NDUFAF5: variants seen among roughly 807,000 people sequenced by gnomAD.
NDUFAF5 encodes NADH:ubiquinone oxidoreductase complex assembly factor 5, also known as arginine-hydroxylase NDUFAF5, mitochondrial.
NDUFAF5 carries 34 observed loss-of-function variants against 48.9 expected under a neutral mutation model. That is an observed-to-expected ratio of 0.70 (90% CI 0.53 to 0.93). The LOEUF (loss-of-function observed/expected upper bound fraction) is 0.93. NDUFAF5 is among the 40% of genes least tolerant of loss of function. NDUFAF5 has a pLI of 0.00. For synonymous variants in NDUFAF5, 153 were observed against 150.6 expected (o/e 1.02, Z -0.12); for missense variants, 428 against 427.5 (o/e 1.00, Z -0.01).
At chr20:13,788,457 GAGGCTGAAA>G in intron 2 of NDUFAF5, 123 bp from the exon 3 acceptor site, 2 of 713,156 alleles carry the variant, frequency 2.8e-6, no homozygotes, top group Non-Finnish European at 5.0e-6. Flanking sequence ...CTTGTAAGGT[GAGGCTGAAA>G]AGGCAGATGA....
chr20:13,789,415 T>G (rs1021112875), intron 3 of NDUFAF5, among the ~76,000 whole-genome samples: 2 of 151,972 alleles, frequency 1.3e-5, no homozygotes, highest in Non-Finnish European at 2.9e-5. Flanking sequence ...TCCGCCTGTC[T>G]CGGCATCCCA....
intron 3 of NDUFAF5, among the ~76,000 whole-genome samples, chr20:13,791,178 A>G (rs2147498495): frequency 6.6e-6 from 1 of 152,316 alleles, no homozygotes; most frequent in Middle Eastern, 3.4e-3. Flanking sequence ...GCAGTGGAAT[A>G]TGGTAGTATA....
rs11472201 is a variant in NDUFAF5 at position 13,802,671 on chromosome 20, CAAAAAAAAA to C, written c.717+999_717+1007del. On this transcript the variant is annotated intron_variant, in intron 7 of 10. Transcript: ENST00000378106. Reference sequence around the variant, plus strand: ...GGCAACAAGAGTGAAATTCCCGTCTCAAAAAAAAAAAAAAAAAAAGCAAATGTTACTCAC... The same window carrying C: ...GGCAACAAGAGTGAAATTCCCGTCTCAAAAAAAAAAGCAAATGTTACTCAC... Among the ~76,000 whole-genome samples, 3 of 102,882 alleles carry C rather than the reference CAAAAAAAAA, an allele frequency of 2.9e-5. No homozygotes were observed. In the East Asian group the frequency reaches 8.8e-4, roughly 30 times the overall value. 67.5% of individuals were successfully genotyped at this position (102,882 alleles called of 152,430 possible).
Position 13,794,994 on chromosome 20 carries a change from A to C in NDUFAF5, c.479+53A>C, listed in dbSNP as rs932999659. The C allele has an allele frequency of 3.8e-6, 5 of 1,331,980 alleles. No individual in the cohort carries two copies. In the African/African-American group the frequency reaches 7.2e-5, roughly 19 times the overall value. 82.5% of individuals were successfully genotyped at this position (1,331,980 alleles called of 1,614,324 possible). A position where few individuals can be genotyped will look rare whatever the true frequency, so the allele number is the denominator to read the frequency against. ...ATGTTATAAACAGATCATTCTTGCCATAAAGTTTTGCTATGAGGCCAGGAG... is the reference window on the plus strand; with the variant it reads ...ATGTTATAAACAGATCATTCTTGCCCTAAAGTTTTGCTATGAGGCCAGGAG... On this transcript the variant is annotated intron_variant, in intron 5 of 10. Coordinates refer to ENST00000378106, the MANE Select transcript of NDUFAF5 (RefSeq NM_024120.5).
chr20:13,794,650 T>A (rs536485193), intron 4 of NDUFAF5, among the ~76,000 whole-genome samples, 188 bp from the exon 5 acceptor site: 1 of 152,206 alleles, frequency 6.6e-6, no homozygotes, highest in Non-Finnish European at 1.5e-5. Context: ...TAGTTAGCCA[T>A]TTTTTCTGGC....
intron 6 of NDUFAF5, 30 bp downstream of exon 6, chr20:13,798,530 TTG>T (rs1354759807): frequency 6.5e-7 from 1 of 1,526,960 alleles, no homozygotes; most frequent in African/African-American, 1.4e-5. Context: ...TTCAACTATC[TTG>T]TGTTATTTTC....
chr20:13,814,587 T>G, intron 8 of NDUFAF5: 1 of 771,542 alleles, frequency 1.3e-6, no homozygotes, highest in Non-Finnish European at 1.9e-6. Flanking sequence ...AGGTTTATTT[T>G]TGATAAGCAG....
intron 10 of NDUFAF5, 37 bp from the exon 11 acceptor site, chr20:13,817,081 A>G (rs1568787962): frequency 1.9e-5 from 30 of 1,590,110 alleles, no homozygotes; most frequent in South Asian, 5.5e-5. Flanking sequence ...TGTATTATCT[A>G]TCTATTTCTA....
chr20:13,802,285 G>C (rs970916478), intron 7 of NDUFAF5, among the ~76,000 whole-genome samples: 1 of 152,140 alleles, frequency 6.6e-6, no homozygotes, highest in South Asian at 2.1e-4. Flanking sequence ...TTTGTTCTCC[G>C]ACAGGAGTAA....
rs1600314664 is a variant in NDUFAF5, at chr20:13,787,390, T to C, written c.263+38T>C. ...GATCATAATACAATACCATCAACTTTTGAGTGGAAATTCAGGAGATTAAAT... is the reference window on the plus strand; with the variant it reads ...GATCATAATACAATACCATCAACTTCTGAGTGGAAATTCAGGAGATTAAAT... On this transcript the variant is annotated intron_variant, in intron 2 of 10. Coordinates refer to ENST00000378106, the MANE Select transcript of NDUFAF5 (RefSeq NM_024120.5). 3.1e-6 allele frequency: 5 copies of C among 1,592,764 alleles called. No homozygotes were observed. In the East Asian group the frequency reaches 6.7e-5, roughly 21 times the overall value.
At position 13,816,388 on chromosome 20, in the gene NDUFAF5, G is replaced by A. The variant is rs576802882; in HGVS notation, c.779-75G>A. The A allele has an allele frequency of 5.7e-5, 55 of 967,004 alleles. No homozygotes were observed. In the African/African-American group the frequency reaches 7.3e-4, roughly 13 times the overall value. The allele number at this position is 967,004 out of a possible 1,614,324, so 59.9% of individuals were successfully genotyped here. A position where few individuals can be genotyped will look rare whatever the true frequency, so the allele number is the denominator to read the frequency against. Reference sequence around the variant, plus strand: ...GGACAGGTATACTGTTAGATGAGACGGGATTAAGTCTGTGGTATTGAGCTG... The same window carrying A: ...GGACAGGTATACTGTTAGATGAGACAGGATTAAGTCTGTGGTATTGAGCTG... On this transcript the variant is annotated intron_variant, in intron 8 of 10. Transcript: ENST00000378106.
intron 1 of NDUFAF5, 99 bp from the exon 2 acceptor site, chr20:13,787,213 G>A: frequency 7.7e-7 from 1 of 1,302,826 alleles, no homozygotes; most frequent in Non-Finnish European, 1.1e-6. Context: ...GGGGATAAAG[G>A]GAAGTACTTA....
intron 1 of NDUFAF5, among the ~76,000 whole-genome samples, chr20:13,785,943 C>T (rs1391020866): frequency 6.6e-6 from 1 of 152,126 alleles, no homozygotes; most frequent in East Asian, 1.9e-4. Flanking sequence ...ATGTGGCTCT[C>T]ATGATTTTTG....
chr20:13,799,954 A>G (rs1391724741), intron 6 of NDUFAF5, among the ~76,000 whole-genome samples: 1 of 152,138 alleles, frequency 6.6e-6, no homozygotes, highest in Non-Finnish European at 1.5e-5. Flanking sequence ...AAGAATGTTA[A>G]TGATCAGATA....
rs747941615 is a variant in NDUFAF5 at position 13,817,868 on chromosome 20, C to A, written c.*658C>A. 4.4e-6 allele frequency: 2 copies of A among 453,998 alleles called. No individual in the cohort carries two copies. Among genetic ancestry groups the A allele is most frequent in the Non-Finnish European group, 8.8e-6 (2 of 226,810 alleles). 28.1% of individuals were successfully genotyped at this position (453,998 alleles called of 1,614,324 possible). A position where few individuals can be genotyped will look rare whatever the true frequency, so the allele number is the denominator to read the frequency against. ...AGGGCTTAAGCACTATTATCCTAAT[C>A]CAAGTTCACAGTCCTGTTGTTGTCG... On this transcript the variant is annotated 3_prime_UTR_variant, in exon 11 of 11. Transcript: ENST00000378106.
chr20:13,796,020 T>C (rs1983158159), intron 5 of NDUFAF5, among the ~76,000 whole-genome samples: 1 of 152,126 alleles, frequency 6.6e-6, no homozygotes, highest in African/African-American at 2.4e-5. Flanking sequence ...AATAACTCAG[T>C]CTAACAGAAA....
intron 6 of NDUFAF5, among the ~76,000 whole-genome samples, chr20:13,798,718 A>G (rs867922694): frequency 5.3e-5 from 8 of 152,352 alleles, no homozygotes; most frequent in African/African-American, 1.4e-4. Flanking sequence ...ATAAGTTTTA[A>G]ATATTTATGA....
chr20:13,800,892 TCTC>T (rs1343752424), intron 6 of NDUFAF5, among the ~76,000 whole-genome samples: 1 of 152,088 alleles, frequency 6.6e-6, no homozygotes, highest in Non-Finnish European at 1.5e-5. Flanking sequence ...GCCCTACATC[TCTC>T]CTCCTCCTCT....
intron 8 of NDUFAF5, among the ~76,000 whole-genome samples, chr20:13,811,772 C>T (rs539393121): frequency 6.6e-5 from 10 of 152,124 alleles, no homozygotes; most frequent in East Asian, 3.8e-4. Flanking sequence ...CTTCAACTTG[C>T]GTCCTTTGTG....
Sources: allele counts gnomAD v4.1 joint callset (sites outside exome capture counted in the v4.1 genomes callset), GRCh38; gene constraint gnomAD v4.1.1; transcripts MANE v1.5; gene names NCBI Gene and HGNC (gene_info 2026-07-23, HGNC 2026-07-21).